PRKAR1A: variants seen among roughly 807,000 people sequenced by gnomAD.
PRKAR1A encodes the protein protein kinase cAMP-dependent type I regulatory subunit alpha, also known as cAMP-dependent protein kinase type I-alpha regulatory subunit.
A neutral mutation model predicts 52.0 loss-of-function variants in PRKAR1A; 3 were observed. The observed-to-expected ratio is 0.06, with a 90% CI of 0.03 to 0.15. The LOEUF (loss-of-function observed/expected upper bound fraction) is 0.15, where lower values mean the gene tolerates loss of function less well. PRKAR1A is among the 10% of genes least tolerant of loss of function. The pLI, the probability that PRKAR1A is intolerant of heterozygous loss-of-function variation, is 1.00. For missense variants in PRKAR1A, 240 were observed against 477.4 expected, an observed-to-expected ratio of 0.50 and a Z score of 4.63; for synonymous variants, 188 against 168.4, an observed-to-expected ratio of 1.12 and a Z score of -0.90.
the PRKAR1A span, among the ~76,000 whole-genome samples, chr17:68,456,926 C>G: frequency 6.6e-6 from 1 of 152,160 alleles, no homozygotes; most frequent in Admixed American, 6.5e-5. Flanking sequence ...TTCCTGGGCC[C>G]CAACTACAGA....
At chr17:68,503,063 A>C in the PRKAR1A span, among the ~76,000 whole-genome samples, 2 of 152,242 alleles carry the variant, frequency 1.3e-5, no homozygotes, top group African/African-American at 4.8e-5. Context: ...CAAAGACCTA[A>C]ACAGACACCA....
chr17:68,538,574 A>G (rs2143448936), intron 11 of PRKAR1A, among the ~76,000 whole-genome samples: 1 of 152,348 alleles, frequency 6.6e-6, no homozygotes, highest in African/African-American at 2.4e-5. Flanking sequence ...CTCTAGAGAA[A>G]TGGTGGCCAA....
chr17:68,428,801 G>T, the PRKAR1A span: 1 of 1,556,126 alleles, frequency 6.4e-7, no homozygotes. Context: ...CTCTCGAAAG[G>T]CTGTCTTTTG....
At chr17:68,541,054 C>T (rs1015771780) in intron 11 of PRKAR1A, 6 of 1,534,420 alleles carry the variant, frequency 3.9e-6, no homozygotes, top group Non-Finnish European at 5.3e-6. Context: ...ATCCCTGCCT[C>T]CCTGATCCTG....
the PRKAR1A span, among the ~76,000 whole-genome samples, chr17:68,439,052 G>C: frequency 6.6e-6 from 1 of 152,160 alleles, no homozygotes; most frequent in Non-Finnish European, 1.5e-5. Context: ...ATGTAAAATG[G>C]GGCAGTGCTC....
chr17:68,490,996 T>C, the PRKAR1A span, among the ~76,000 whole-genome samples: 1 of 152,180 alleles, frequency 6.6e-6, no homozygotes, highest in Non-Finnish European at 1.5e-5. Flanking sequence ...CTCTGTCCTA[T>C]GGGTCTCCTG....
Position 68,524,126 on chromosome 17 carries a change from CTA to C in PRKAR1A, c.502+50_502+51del, listed in dbSNP as rs776403808. ...TATTGTTACGGGAGAGGAGGCGAGACTAGAGGATTTTTTTGGTTTTGTTTTAT... is the reference window on the plus strand; with the variant it reads ...TATTGTTACGGGAGAGGAGGCGAGACGAGGATTTTTTTGGTTTTGTTTTAT... On this transcript the variant is annotated intron_variant, in intron 5 of 10. Coordinates refer to ENST00000589228, the MANE Select transcript of PRKAR1A (RefSeq NM_002734.5). 69 of 1,593,788 alleles carry C rather than the reference CTA, an allele frequency of 4.3e-5. No homozygotes were observed. The African/African-American group carries it at 8.5e-4, about 20-fold the overall frequency.
At chr17:68,478,876 C>T in the PRKAR1A span, among the ~76,000 whole-genome samples, 4 of 152,054 alleles carry the variant, frequency 2.6e-5, no homozygotes, top group South Asian at 2.1e-4. Flanking sequence ...TACAGGCACA[C>T]GCCACCATGT....
At chr17:68,470,947 A>C in the PRKAR1A span, among the ~76,000 whole-genome samples, 2 of 152,196 alleles carry the variant, frequency 1.3e-5, no homozygotes, top group Non-Finnish European at 2.9e-5. Flanking sequence ...TTTGACCATC[A>C]AATTCTAGAT....
chr17:68,428,063 T>C, the PRKAR1A span, among the ~76,000 whole-genome samples: 2 of 151,494 alleles, frequency 1.3e-5, no homozygotes, highest in Non-Finnish European at 2.9e-5. Context: ...GGCTAATTTT[T>C]ATATTTTTTC....
chr17:68,449,640 T>C, the PRKAR1A span, among the ~76,000 whole-genome samples: 1 of 152,192 alleles, frequency 6.6e-6, no homozygotes. Context: ...TTGGTCCTGC[T>C]CCTGCCACGT....
At chr17:68,519,519 A>G (rs1159506040) in intron 2 of PRKAR1A, among the ~76,000 whole-genome samples, 3 of 152,164 alleles carry the variant, frequency 2.0e-5, no homozygotes, top group East Asian at 3.9e-4. Context: ...CCCTCCCACA[A>G]TATGTGGGGA....
At chr17:68,471,689 G>A in the PRKAR1A span, among the ~76,000 whole-genome samples, 4 of 152,196 alleles carry the variant, frequency 2.6e-5, no homozygotes, top group African/African-American at 9.7e-5. Context: ...CTTGCCTAAT[G>A]CTTTTCTACT....
downstream of PRKAR1A, chr17:68,537,468 T>C (rs1249747100): frequency 6.2e-7 from 1 of 1,613,986 alleles, no homozygotes; most frequent in Non-Finnish European, 8.5e-7. This position sits in a 1 kb window ranked among gnomAD's most constrained non-coding sequence, Gnocchi z 4.2. Context: ...AACTGGACTC[T>C]GCCAGCCCTT....
intron 11 of PRKAR1A, among the ~76,000 whole-genome samples, chr17:68,546,130 C>G (rs2086546491): frequency 7.3e-6 from 1 of 136,558 alleles, no homozygotes; most frequent in Non-Finnish European, 1.5e-5. Context: ...GATTGTGCCA[C>G]TGCACTACAG....
intron 2 of PRKAR1A, among the ~76,000 whole-genome samples, chr17:68,518,137 G>T (rs1412458166): frequency 1.3e-5 from 2 of 152,234 alleles, no homozygotes; most frequent in Non-Finnish European, 2.9e-5. Flanking sequence ...CCTCCTGGCT[G>T]CTTCCATGGG....
the PRKAR1A span, among the ~76,000 whole-genome samples, chr17:68,424,162 G>A: frequency 3.9e-5 from 6 of 152,192 alleles, no homozygotes; most frequent in Non-Finnish European, 7.3e-5. Flanking sequence ...TGCCAACAGA[G>A]GTTTTGAAGT....
chr17:68,486,582 T>G, the PRKAR1A span, among the ~76,000 whole-genome samples: 3 of 149,246 alleles, frequency 2.0e-5, no homozygotes, highest in Admixed American at 1.4e-4. Context: ...CTTTCCTTCC[T>G]TCCTTCCTTC....
At chr17:68,548,348 G>A (rs1055974625) in intron 11 of PRKAR1A, among the ~76,000 whole-genome samples, 2 of 151,912 alleles carry the variant, frequency 1.3e-5, no homozygotes, top group Non-Finnish European at 2.9e-5. Flanking sequence ...TGGCCAACAC[G>A]GTGAAACCCC....
Sources: allele counts gnomAD v4.1 joint callset (sites outside exome capture counted in the v4.1 genomes callset), GRCh38; gene constraint gnomAD v4.1.1; non-coding constraint Gnocchi (gnomAD v3.1); transcripts MANE v1.5; gene names NCBI Gene and HGNC (gene_info 2026-07-23, HGNC 2026-07-21).